FAM209A: variants seen among roughly 807,000 people sequenced by gnomAD.
FAM209A encodes family with sequence similarity 209 member A, also known as protein FAM209A.
In FAM209A, 4 loss-of-function variants were observed where a neutral mutation model predicts 9.8. The observed-to-expected ratio is 0.41, with a 90% confidence interval of 0.20 to 0.94. The LOEUF (loss-of-function observed/expected upper bound fraction) is 0.94. FAM209A is among the 40% of genes least tolerant of loss of function. The pLI is 0.32. For synonymous variants in FAM209A, 55 were observed against 77.8 expected, an observed-to-expected ratio of 0.71 and a Z score of 1.54; for missense variants, 205 against 209.4, an observed-to-expected ratio of 0.98 and a Z score of 0.13.
Position 56,525,836 on chromosome 20 carries a change from A to G in FAM209A, c.282A>G (p.Gln94=). Residue 94 remains glutamine (Q), a synonymous_variant, in exon 2 of 2, where the codon CAA becomes CAG. Transcript: ENST00000371328. ...EQSPPGLRGG[Q]LHSPLKKKRN... Reference sequence around the variant, plus strand: ...GTCCTCCTGGCCTTCGAGGCGGCCAACTTCACTCTCCATTAAAGAAAAAAA... The same window carrying G: ...GTCCTCCTGGCCTTCGAGGCGGCCAGCTTCACTCTCCATTAAAGAAAAAAA... 1.2e-6 allele frequency: 2 copies of G among 1,614,168 alleles called. No homozygotes were observed. Among genetic ancestry groups the G allele is most frequent in the East Asian group, 2.2e-5 (1 of 44,880 alleles).
At chr20:56,527,785 C>T (rs998498065), downstream of FAM209A, among the ~76,000 whole-genome samples, 1 of 152,342 alleles carries the variant, frequency 6.6e-6, no homozygotes. Flanking sequence ...CAACCCCGGG[C>T]CCTGAAGGGT....
downstream of FAM209A, among the ~76,000 whole-genome samples, chr20:56,527,833 A>G (rs1985604967): frequency 6.6e-6 from 1 of 152,198 alleles, no homozygotes; most frequent in Non-Finnish European, 1.5e-5. Flanking sequence ...GTGGCTGGGC[A>G]TGGTGGCTTA....
rs2274022 is a variant in FAM209A at position 56,525,938 on chromosome 20, C to T, written c.384C>T (p.Ser128=). ...AGGTGGAGCTTATGAAATTTGTGTC[C>T]AAAGTGCGGAATCTTAAACGTGCCA... ...ELEVELMKFV[S]KVRNLKRAMA... The change falls in exon 2 of 2, where the codon TCC becomes TCT. Residue 128 remains serine, a synonymous_variant. Transcript: ENST00000371328. The T allele has an allele frequency of 6.8e-4, 1,098 of 1,614,112 alleles. 14 individuals carry two copies. In the East Asian group the frequency reaches 0.024, roughly 35 times the overall value.
chr20:56,533,475 G>T, the FAM209A span: 1 of 1,614,110 alleles, frequency 6.2e-7, no homozygotes, highest in Non-Finnish European at 8.5e-7. Flanking sequence ...TTTCGGATTC[G>T]GCAGAACCTA....
chr20:56,532,636 A>G, the FAM209A span, among the ~76,000 whole-genome samples: 30 of 151,706 alleles, frequency 2.0e-4, no homozygotes, highest in Non-Finnish European at 3.5e-4. Context: ...GGCGTGTGCC[A>G]CCACATCCAG....
chr20:56,528,849 A>G (rs1415428425), downstream of FAM209A, among the ~76,000 whole-genome samples: 2 of 152,214 alleles, frequency 1.3e-5, no homozygotes, highest in Non-Finnish European at 2.9e-5. Flanking sequence ...AGAGCATATT[A>G]ATTTTTGGCC....
downstream of FAM209A, among the ~76,000 whole-genome samples, chr20:56,530,326 G>C (rs1048668057): frequency 2.0e-5 from 3 of 152,228 alleles, no homozygotes; most frequent in African/African-American, 7.2e-5. Context: ...GCTCAAGTTT[G>C]TCATGTGGAG....
downstream of FAM209A, among the ~76,000 whole-genome samples, chr20:56,526,351 G>A (rs1174052629): frequency 6.6e-6 from 1 of 152,142 alleles, no homozygotes; most frequent in Admixed American, 6.6e-5. Flanking sequence ...GCGGGTGGAC[G>A]ATGGAGCTAG....
At chr20:56,530,431 T>G (rs893675809), downstream of FAM209A, among the ~76,000 whole-genome samples, 5 of 152,162 alleles carry the variant, frequency 3.3e-5, no homozygotes, top group African/African-American at 9.7e-5. Context: ...TACAGAAGGA[T>G]TCATTGAACA....
downstream of FAM209A, among the ~76,000 whole-genome samples, chr20:56,528,357 T>C (rs1985624916): frequency 6.9e-6 from 1 of 145,058 alleles, no homozygotes; most frequent in South Asian, 2.2e-4. Context: ...CTATGGGAAA[T>C]TGGGGAAGGC....
chr20:56,528,200 T>C (rs1410099612), downstream of FAM209A, among the ~76,000 whole-genome samples: 3 of 151,740 alleles, frequency 2.0e-5, no homozygotes, highest in African/African-American at 7.3e-5. Flanking sequence ...GGAGCATCTT[T>C]TGGGTCTGGG....
At chr20:56,525,545 T>C (rs1030312557) in intron 1 of FAM209A, among the ~76,000 whole-genome samples, 1 of 152,142 alleles carries the variant, frequency 6.6e-6, no homozygotes, top group African/African-American at 2.4e-5. Flanking sequence ...CACAAACAAC[T>C]CTTTCAGGTA....
chr20:56,524,883 G>A lies in FAM209A; in HGVS notation c.75G>A (p.Leu25=). ...TCSYAFMFSS[L]RQKTSEPQGK... ...GCTATGCCTTTATGTTCTCTTCTCT[G>A]AGACAGAAAACTAGCGAACCCCAGG... The change falls in exon 1 of 2, where the codon CTG becomes CTA. Residue 25 remains leucine, a synonymous_variant. Coordinates refer to ENST00000371328, the MANE Select transcript of FAM209A (RefSeq NM_001012971.4). The A allele has an allele frequency of 1.9e-6, 3 of 1,614,210 alleles. No individual in the cohort carries two copies. The highest frequency in any genetic ancestry group is 2.5e-6 in the Non-Finnish European group (3 of 1,180,028).
chr20:56,532,222 A>G, the FAM209A span, among the ~76,000 whole-genome samples: 1 of 151,520 alleles, frequency 6.6e-6, no homozygotes, highest in Non-Finnish European at 1.5e-5. Flanking sequence ...TGATCTGCCT[A>G]CCTTGGCCTC....
chr20:56,532,489 T>C, the FAM209A span, among the ~76,000 whole-genome samples: 1 of 129,752 alleles, frequency 7.7e-6, no homozygotes, highest in Non-Finnish European at 1.5e-5. Flanking sequence ...TCTTTTTTTT[T>C]TTTTTTTTTT....
At chr20:56,525,765 G>T (rs1985500259) in intron 1 of FAM209A, 39 bp from the exon 2 acceptor site, 2 of 1,594,698 alleles carry the variant, frequency 1.3e-6, no homozygotes. Flanking sequence ...AACCAACAAA[G>T]TTCACAATAT....
chr20:56,525,788 G>A lies in FAM209A; in HGVS notation c.250-16G>A, dbSNP rs558791481. ...AAGTTCACAATATTACTGACCTTGAGTATCTTTCCTGACAGGAGCAGAGTC... is the reference window on the plus strand; with the variant it reads ...AAGTTCACAATATTACTGACCTTGAATATCTTTCCTGACAGGAGCAGAGTC... On this transcript the variant is annotated splice_polypyrimidine_tract_variant and intron_variant, in intron 1 of 1. Coordinates refer to ENST00000371328, the MANE Select transcript of FAM209A (RefSeq NM_001012971.4). 6.2e-7 allele frequency: 1 copy of A among 1,609,878 alleles called. No homozygotes were observed. The highest frequency in any genetic ancestry group is 1.7e-5 in the Admixed American group (1 of 59,164).
downstream of FAM209A, among the ~76,000 whole-genome samples, chr20:56,528,159 T>A (rs1282616450): frequency 6.6e-6 from 1 of 151,906 alleles, no homozygotes; most frequent in Non-Finnish European, 1.5e-5. Flanking sequence ...GCTGTGCACC[T>A]GTGGTCCCAG....
At chr20:56,530,663 A>ATTTTTTTT (rs34007542), downstream of FAM209A, among the ~76,000 whole-genome samples, 2 of 138,226 alleles carry the variant, frequency 1.4e-5, no homozygotes, top group African/African-American at 2.7e-5. Context: ...CACTCAGCTA[A>ATTTTTTTT]TTTTTTTTTT....
Sources: gnomAD v4.1 joint callset for allele counts (sites outside exome capture counted in the v4.1 genomes callset) on GRCh38, gnomAD v4.1.1 for gene constraint, MANE v1.5 for transcripts, NCBI Gene and HGNC (gene_info 2026-07-23, HGNC 2026-07-21) for gene names.